RAB11FIP4: variants seen among roughly 807,000 people sequenced by gnomAD.
The protein encoded by RAB11FIP4 is RAB11 family interacting protein 4.
Under a neutral mutation model 74.3 loss-of-function variants are expected in RAB11FIP4, and 23 were observed. That is an observed-to-expected ratio of 0.31 (90% CI 0.22 to 0.44). The LOEUF (loss-of-function observed/expected upper bound fraction) is 0.44. RAB11FIP4 is among the 20% of genes least tolerant of loss of function. The pLI is 1.00. For synonymous variants in RAB11FIP4, 360 were observed against 359.9 expected, an observed-to-expected ratio of 1.00 and a Z score of 0.00; for missense variants, 630 against 863.9, an observed-to-expected ratio of 0.73 and a Z score of 3.39.
At chr17:31,394,741 A>G (rs111651644) in intron 1 of RAB11FIP4, among the ~76,000 whole-genome samples, 2 of 152,242 alleles carry the variant, frequency 1.3e-5, no homozygotes, top group African/African-American at 2.4e-5. Context: ...GTGTGTCTGA[A>G]TCCACAAGGC....
rs549962797 is a variant in RAB11FIP4, at chr17:31,433,996, A to T, written c.248-38A>T. 1.7e-4 allele frequency: 266 copies of T among 1,543,136 alleles called. 5 individuals carry two copies. In the South Asian group the frequency reaches 2.3e-3, roughly 13 times the overall value. On this transcript the variant is annotated intron_variant, in intron 2 of 14. Transcript: ENST00000621161. ...GAGCAGCCGTCCCAGGCTGAGGCTC[A>T]ACCCCTCACTGTCCCGTGTGTCTGC...
chr17:31,441,673 G>T (rs535202463), intron 3 of RAB11FIP4, among the ~76,000 whole-genome samples: 2 of 151,620 alleles, frequency 1.3e-5, no homozygotes, highest in Non-Finnish European at 2.9e-5. Flanking sequence ...GATTACAGGC[G>T]CCCACGACCA....
At position 31,458,363 on chromosome 17, in the gene RAB11FIP4, C is replaced by T. The variant is rs2071600685; in HGVS notation, c.336+24241C>T. ...TGCAGGACCATCTTCTACCCAGAGG[C>T]ATGAAGCAAAGTATCATGGGAGCCC... is the stretch of plus-strand genomic sequence containing the variant. On this transcript the variant is annotated intron_variant, in intron 3 of 14. Transcript: ENST00000621161. 2.0e-5 allele frequency among the ~76,000 whole-genome samples: 3 copies of T among 152,186 alleles called. No homozygotes were observed. In the South Asian group the frequency reaches 6.2e-4, roughly 31 times the overall value.
In RAB11FIP4 at chr17:31,530,326, G is replaced by A; in HGVS notation, c.1654G>A (p.Glu552Lys). ...GTCGCCTTCGTCCTTCTCTCTGTAGGAGAATTATAAGCTGCGGGATCAGAA... is the reference window on the plus strand; with the variant it reads ...GTCGCCTTCGTCCTTCTCTCTGTAGAAGAATTATAAGCTGCGGGATCAGAA... Reference protein sequence around the residue: ...LEHEVKRLKQENYKLRDQNDD... With the variant: ...LEHEVKRLKQKNYKLRDQNDD... Residue 552 changes from glutamate to lysine, a missense_variant and splice_region_variant, in exon 14 of 15, where the codon GAG (glutamate) becomes AAG (lysine). By Grantham distance (56) the Glu-to-Lys change is moderately conservative. Transcript: ENST00000621161. 1.9e-6 allele frequency: 3 copies of A among 1,614,064 alleles called. No homozygotes were observed. The highest frequency in any genetic ancestry group is 2.5e-6 in the Non-Finnish European group (3 of 1,179,954).
chr17:31,438,637 T>C (rs979797774), intron 3 of RAB11FIP4, among the ~76,000 whole-genome samples: 8 of 151,916 alleles, frequency 5.3e-5, no homozygotes, highest in African/African-American at 1.7e-4. Flanking sequence ...CAACATCAGC[T>C]CCTACCCACT....
At chr17:31,457,067 G>A (rs975427782) in intron 3 of RAB11FIP4, among the ~76,000 whole-genome samples, 10 of 152,284 alleles carry the variant, frequency 6.6e-5, no homozygotes, top group Middle Eastern at 3.4e-3. Flanking sequence ...CCTGTCCTCC[G>A]GAGGGCTGTA....
intron 3 of RAB11FIP4, among the ~76,000 whole-genome samples, chr17:31,517,194 G>T (rs1326323912): frequency 1.4e-4 from 8 of 58,776 alleles, no homozygotes; most frequent in Admixed American, 1.8e-4. Flanking sequence ...GGCGGTGCGG[G>T]GGGGGGGGCG....
intron 3 of RAB11FIP4, among the ~76,000 whole-genome samples, chr17:31,450,321 T>TTTATTATTATTATTATTA (rs67188813): frequency 5.8e-5 from 8 of 137,792 alleles, no homozygotes; most frequent in East Asian, 2.1e-4. Flanking sequence ...CGCCACCGGC[T>TTTATTATTATTATTATTA]TTATTATTAT....
chr17:31,467,403 G>A (rs1444203607), intron 3 of RAB11FIP4, among the ~76,000 whole-genome samples: 1 of 152,180 alleles, frequency 6.6e-6, no homozygotes, highest in Non-Finnish European at 1.5e-5. Context: ...ACAGGCGTGA[G>A]CCACGGTGCC....
intron 3 of RAB11FIP4, among the ~76,000 whole-genome samples, chr17:31,455,375 G>A (rs192155834): frequency 2.6e-5 from 4 of 152,280 alleles, no homozygotes; most frequent in East Asian, 1.9e-4. Context: ...TTCATGGGAC[G>A]GGAGAGGGGG....
intron 3 of RAB11FIP4, among the ~76,000 whole-genome samples, chr17:31,464,794 T>C (rs1010017743): frequency 7.1e-6 from 1 of 141,424 alleles, no homozygotes; most frequent in African/African-American, 2.7e-5. Context: ...AAGGTCTTTC[T>C]CTGTCACCCA....
intron 1 of RAB11FIP4, among the ~76,000 whole-genome samples, chr17:31,392,976 G>A (rs2070890400): frequency 6.6e-6 from 1 of 152,210 alleles, no homozygotes. Flanking sequence ...GGCTGGCATT[G>A]TGTTCCCAGA....
Position 31,535,586 on chromosome 17 carries a change from G to C in RAB11FIP4, c.*3854G>C, listed in dbSNP as rs1251435104. On this transcript the variant is annotated 3_prime_UTR_variant, in exon 15 of 15. Transcript: ENST00000621161. Reference sequence around the variant, plus strand: ...ATGACAGTGAGCTCTCTTGCTGGGAGGGTTCCTTTTCCTGTTGTTGAATGG... The same window carrying C: ...ATGACAGTGAGCTCTCTTGCTGGGACGGTTCCTTTTCCTGTTGTTGAATGG... 1 of 152,306 alleles carries C rather than the reference G, an allele frequency of 6.6e-6. No individual in the cohort carries two copies. Among genetic ancestry groups the C allele is most frequent in the African/African-American group, 2.4e-5 (1 of 41,462 alleles). 9.4% of individuals were successfully genotyped at this position (152,306 alleles called of 1,614,324 possible). A position where few individuals can be genotyped will look rare whatever the true frequency, so the allele number is the denominator to read the frequency against.
intron 1 of RAB11FIP4, among the ~76,000 whole-genome samples, chr17:31,426,019 C>T (rs1012652931): frequency 2.6e-5 from 4 of 152,206 alleles, no homozygotes; most frequent in Non-Finnish European, 4.4e-5. Flanking sequence ...TGTGTCTGGC[C>T]GAGGACCATC....
chr17:31,439,756 A>G (rs1348752639), intron 3 of RAB11FIP4, among the ~76,000 whole-genome samples: 1 of 152,152 alleles, frequency 6.6e-6, no homozygotes, highest in Non-Finnish European at 1.5e-5. Context: ...TACCACAGGC[A>G]CACGCCACCA....
intron 3 of RAB11FIP4, among the ~76,000 whole-genome samples, chr17:31,469,081 C>T (rs1340061165): frequency 1.3e-5 from 2 of 152,126 alleles, no homozygotes; most frequent in East Asian, 3.9e-4. Flanking sequence ...ATTCTTATTG[C>T]CCTCAGGGTT....
At chr17:31,407,439 AGAT>A (rs756825429) in intron 1 of RAB11FIP4, among the ~76,000 whole-genome samples, 43 of 152,156 alleles carry the variant, frequency 2.8e-4, no homozygotes, top group Non-Finnish European at 6.0e-4. Context: ...CATTTTCAGT[AGAT>A]GAAAGACATC....
At chr17:31,453,755 G>A (rs1254074560) in intron 3 of RAB11FIP4, among the ~76,000 whole-genome samples, 4 of 131,386 alleles carry the variant, frequency 3.0e-5, no homozygotes, top group Admixed American at 1.8e-4. Flanking sequence ...AGCTGAGATC[G>A]CACCACTGCA....
chr17:31,477,310 G>A (rs1188714835), intron 3 of RAB11FIP4, among the ~76,000 whole-genome samples: 1 of 152,224 alleles, frequency 6.6e-6, no homozygotes, highest in Non-Finnish European at 1.5e-5. Context: ...CAGGCAGGGA[G>A]CAACCACACG....
Sources: gnomAD v4.1 joint callset for allele counts (sites outside exome capture counted in the v4.1 genomes callset) on GRCh38, gnomAD v4.1.1 for gene constraint, MANE v1.5 for transcripts, NCBI Gene and HGNC (gene_info 2026-07-23, HGNC 2026-07-21) for gene names.